The following NUP210 variants were observed in gnomAD, a reference collection of about 807,000 sequenced individuals.
NUP210 encodes nucleoporin 210.
A neutral mutation model predicts 196.0 loss-of-function variants in NUP210; 151 were observed. The observed-to-expected ratio is 0.77, with a 90% CI of 0.67 to 0.88. The LOEUF (loss-of-function observed/expected upper bound fraction) is 0.88. Ranked by LOEUF, NUP210 falls within the 40% of genes least tolerant of loss-of-function variation. The probability of loss-of-function intolerance (pLI) is 0.00; values close to 1 mark genes in which losing one functional copy is unlikely to be tolerated. For missense variants in NUP210, 2,314 were observed against 2,493.7 expected, an observed-to-expected ratio of 0.93 and a Z score of 1.53; for synonymous variants, 1,070 against 1,052.7, an observed-to-expected ratio of 1.02 and a Z score of -0.32.
intron 39 of NUP210, among the ~76,000 whole-genome samples, chr3:13,318,245 C>T (rs936918187): frequency 2.0e-5 from 3 of 152,144 alleles, no homozygotes; most frequent in African/African-American, 4.8e-5. Context: ...AGGGCAGGCA[C>T]CTGCTGCCAG....
chr3:13,397,716 G>A (rs1056192964), intron 2 of NUP210, among the ~76,000 whole-genome samples: 22 of 152,172 alleles, frequency 1.4e-4, no homozygotes, highest in Admixed American at 4.6e-4. Flanking sequence ...TTCCAGCAGG[G>A]CACCAGCATT....
chr3:13,323,218 G>A lies in NUP210; in HGVS notation c.4768+91C>T. On this transcript the variant is annotated intron_variant, in intron 34 of 39. Coordinates refer to ENST00000254508, the MANE Select transcript of NUP210 (RefSeq NM_024923.4). The surrounding 1 kb of genome is among the most constrained non-coding windows in gnomAD (Gnocchi z 4.3). ...CTGGAGTTGGTGTGAGTGTGAATAG[G>A]AGAAGCAGATAAACTCCATCCAGAG... 2.0e-6 allele frequency: 3 copies of A among 1,517,420 alleles called. No individual in the cohort carries two copies. Among genetic ancestry groups the A allele is most frequent in the South Asian group, 1.2e-5 (1 of 83,988 alleles). The allele number at this position is 1,517,420 out of a possible 1,614,324, so 94.0% of individuals were successfully genotyped here. A position where few individuals can be genotyped will look rare whatever the true frequency, so the allele number is the denominator to read the frequency against.
At chr3:13,343,752 A>C (rs932953875) in intron 20 of NUP210, among the ~76,000 whole-genome samples, 4 of 152,088 alleles carry the variant, frequency 2.6e-5, no homozygotes, top group Non-Finnish European at 4.4e-5. Flanking sequence ...CTAGAGAAGC[A>C]CCCCATGGGG....
rs535531864 is a variant in NUP210 at position 13,330,330 on chromosome 3, G to A, written c.4110+130C>T. On this transcript the variant is annotated intron_variant, in intron 30 of 39. Transcript: ENST00000254508. ...TTATCTACCTAGGACCTTTGCCCCT[G>A]AGTTACTCTAAATGCCTGTCTACAG... is the stretch of plus-strand genomic sequence containing the variant. 932 of 848,110 alleles carry A rather than the reference G, an allele frequency of 1.1e-3. 16 individuals are homozygous for A. In the South Asian group the frequency reaches 0.015, roughly 13 times the overall value. 52.5% of individuals were successfully genotyped at this position (848,110 alleles called of 1,614,324 possible). A position where few individuals can be genotyped will look rare whatever the true frequency, so the allele number is the denominator to read the frequency against.
chr3:13,333,931 A>C (rs7619194), intron 28 of NUP210, among the ~76,000 whole-genome samples: 94,661 of 152,040 alleles, frequency 0.62, 31,066 homozygotes, highest in African/African-American at 0.85. Flanking sequence ...GATACTTGAT[A>C]TCACTGTCAG....
rs188304095 is a variant in NUP210, at chr3:13,344,964, T to C, written c.2836-1661A>G. ...CTCCAGCACCTCTTCTCCCCTCTTC[T>C]GGGGGCTGGTCCTGCCGGGTGCCAT... On this transcript the variant is annotated intron_variant, in intron 20 of 39. Transcript: ENST00000254508. 441 of 985,404 alleles carry C rather than the reference T, an allele frequency of 4.5e-4. 4 individuals carry two copies. In the African/African-American group the frequency reaches 7.1e-3, roughly 16 times the overall value. 61.0% of individuals were successfully genotyped at this position (985,404 alleles called of 1,614,324 possible). A position where few individuals can be genotyped will look rare whatever the true frequency, so the allele number is the denominator to read the frequency against.
chr3:13,330,732 C>A lies in NUP210; in HGVS notation c.3936-98G>T, dbSNP rs933339661. 2.5e-6 allele frequency: 3 copies of A among 1,221,462 alleles called. No homozygotes were observed. In the African/African-American group the frequency reaches 4.5e-5, roughly 18 times the overall value. 75.7% of individuals were successfully genotyped at this position (1,221,462 alleles called of 1,614,324 possible). On this transcript the variant is annotated intron_variant, in intron 29 of 39. Transcript: ENST00000254508. Reference sequence around the variant, plus strand: ...ATCTAAGAGTCTGTGGCTCCTCATGCTCCTGGGAGGAAAAAAGGCCCAATC... The same window carrying A: ...ATCTAAGAGTCTGTGGCTCCTCATGATCCTGGGAGGAAAAAAGGCCCAATC...
intron 36 of NUP210, 33 bp downstream of exon 36, chr3:13,321,552 C>A: frequency 6.3e-7 from 1 of 1,595,798 alleles, no homozygotes; most frequent in Non-Finnish European, 8.6e-7. Flanking sequence ...CCCCTGACTC[C>A]GGCCTGGCCT....
rs1170940271 is a variant in NUP210 at position 13,400,215 on chromosome 3, G to C, written c.168-354C>G. 1.3e-5 allele frequency among the ~76,000 whole-genome samples: 2 copies of C among 152,310 alleles called. 1 individual carries two copies. The highest frequency in any genetic ancestry group is 4.8e-5 in the African/African-American group (2 of 41,572). ...CAGTACCAGCAGGAAAGCTGCTCAA[G>C]GGATCCCATGAGGGACACGTTGCAC... On this transcript the variant is annotated intron_variant, in intron 1 of 39. Coordinates refer to ENST00000254508, the MANE Select transcript of NUP210 (RefSeq NM_024923.4).
At position 13,375,517 on chromosome 3, in the gene NUP210, T is replaced by C. The variant is rs768360154; in HGVS notation, c.1418A>G (p.Gln473Arg). The C allele has an allele frequency of 2.5e-6, 4 of 1,614,216 alleles. No homozygotes were observed. Among genetic ancestry groups the C allele is most frequent in the Non-Finnish European group, 1.7e-6 (2 of 1,180,022 alleles). The change falls in exon 11 of 40, where the codon CAG becomes CGG. Residue 473 changes from glutamine (Q) to arginine (R), a missense_variant. Transcript: ENST00000254508. ...GGTCTCACGTACCCTTATTGTGTAC[T>C]GATAGGCGCCCGTCTTTGGTTGCCA... is the stretch of plus-strand genomic sequence containing the variant. ...FPWQPKTGAY[Q>R]YTIRAHGGSG... is the part of the protein sequence containing the mutation.
intron 1 of NUP210, among the ~76,000 whole-genome samples, chr3:13,402,953 T>C (rs921560636): frequency 2.3e-5 from 3 of 127,830 alleles, no homozygotes; most frequent in South Asian, 2.4e-4. Context: ...CGGCATCCCA[T>C]GTCCTGTAAG....
Position 13,371,824 on chromosome 3 carries a change from G to A in NUP210, c.1786+10C>T, listed in dbSNP as rs754871141. On this transcript the variant is annotated intron_variant, in intron 13 of 39. Coordinates refer to ENST00000254508, the MANE Select transcript of NUP210 (RefSeq NM_024923.4). ...CAGTATCTGGCACCTGCTCAGCAGC[G>A]CTGGTTTACCTGGGAGTGGCTGGAA... 1.2e-5 allele frequency: 19 copies of A among 1,599,722 alleles called. No homozygotes were observed. In the East Asian group the frequency reaches 1.4e-4, roughly 11 times the overall value.
Position 13,337,850 on chromosome 3 carries a change from C to G in NUP210, c.3539G>C (p.Arg1180Thr). ...VRIRAPIMRM[R>T]TGTQMPIYVT... ...AGGTCCCCTCACCTGGGTGCCCGTC[C>G]TCATCCGCATGATGGGGGCGCGGAT... The change falls in exon 26 of 40, where the codon AGG (arginine) becomes ACG (threonine). Residue 1180 changes from arginine to threonine, a missense_variant. By Grantham distance (71) the Arg-to-Thr change is moderately conservative. Transcript: ENST00000254508. The G allele has an allele frequency of 6.2e-7, 1 of 1,611,558 alleles. No homozygotes were observed. Among genetic ancestry groups the G allele is most frequent in the East Asian group, 2.2e-5 (1 of 44,856 alleles).
At chr3:13,397,130 G>GTGACCATGATTC (rs1699684342) in intron 3 of NUP210, among the ~76,000 whole-genome samples, 1 of 152,072 alleles carries the variant, frequency 6.6e-6, no homozygotes, top group Non-Finnish European at 1.5e-5. Flanking sequence ...AGGGCCAGGA[G>GTGACCATGATTC]TGACCATGAT....
chr3:13,402,988 C>T (rs978104848), intron 1 of NUP210, among the ~76,000 whole-genome samples: 1 of 152,226 alleles, frequency 6.6e-6, no homozygotes, highest in Non-Finnish European at 1.5e-5. Flanking sequence ...TAACAGCCCA[C>T]ACCTGCCATG....
At chr3:13,363,967 G>A (rs1351063837) in intron 14 of NUP210, among the ~76,000 whole-genome samples, 2 of 152,038 alleles carry the variant, frequency 1.3e-5, no homozygotes, top group Non-Finnish European at 2.9e-5. Flanking sequence ...AGGTGCGCAG[G>A]GCAACCCCAG....
At chr3:13,392,130 G>A (rs1699511446) in intron 3 of NUP210, among the ~76,000 whole-genome samples, 1 of 152,154 alleles carries the variant, frequency 6.6e-6, no homozygotes, top group African/African-American at 2.4e-5. Context: ...CCCAGTACAA[G>A]GGATCTGGGG....
chr3:13,319,985 A>G lies in NUP210; in HGVS notation c.5167-6T>C, dbSNP rs1475233051. ...GCCGGGGACCCGGATTTCACCTGGA[A>G]GAGACATCAGAGCTGGGGGTGCACA... On this transcript the variant is annotated splice_region_variant and splice_polypyrimidine_tract_variant and intron_variant, in intron 36 of 39. Transcript: ENST00000254508. The G allele has an allele frequency of 1.4e-5, 22 of 1,612,728 alleles. No homozygotes were observed. The highest frequency in any genetic ancestry group is 3.3e-4 in the Middle Eastern group (2 of 6,058).
chr3:13,321,869 C>G, intron 35 of NUP210, 34 bp from the exon 36 acceptor site: 1 of 1,591,340 alleles, frequency 6.3e-7, no homozygotes. Context: ...CTTGTCCCCT[C>G]TCCTGCCCGT....
Sources: gnomAD v4.1 joint callset for allele counts (sites outside exome capture counted in the v4.1 genomes callset) on GRCh38, gnomAD v4.1.1 for gene constraint, Gnocchi (gnomAD v3.1) non-coding constraint, MANE v1.5 for transcripts, NCBI Gene and HGNC (gene_info 2026-07-23, HGNC 2026-07-21) for gene names.